PTPRR: variants seen among roughly 807,000 people sequenced by gnomAD.
PTPRR encodes the protein protein tyrosine phosphatase receptor type R.
Under a neutral mutation model 77.2 loss-of-function variants are expected in PTPRR, and 38 were observed. The observed-to-expected ratio is 0.49, with a 90% confidence interval of 0.38 to 0.65. PTPRR has a LOEUF of 0.65. Among genes scored for constraint, PTPRR ranks in the 30% least tolerant of loss-of-function variants. The pLI is 0.00. For missense variants in PTPRR, 744 were observed against 799.2 expected (o/e 0.93, Z 0.83); for synonymous variants, 299 against 283.1 (o/e 1.06, Z -0.57).
chr12:70,703,505 C>G (rs1888507171), intron 6 of PTPRR, among the ~76,000 whole-genome samples: 1 of 152,098 alleles, frequency 6.6e-6, no homozygotes, highest in African/African-American at 2.4e-5. Flanking sequence ...TGAAGAAGAG[C>G]AAAGAATGGT....
chr12:70,888,152 G>T (rs936203177), intron 2 of PTPRR, among the ~76,000 whole-genome samples: 3 of 151,938 alleles, frequency 2.0e-5, no homozygotes, highest in African/African-American at 7.2e-5. Flanking sequence ...ATTAGAGAAA[G>T]AAAAGCAAAA....
intron 2 of PTPRR, among the ~76,000 whole-genome samples, chr12:70,809,528 T>G (rs1399123187): frequency 6.6e-6 from 1 of 152,200 alleles, no homozygotes; most frequent in Non-Finnish European, 1.5e-5. Flanking sequence ...GTACAGTAGA[T>G]AGCTTGAACT....
At chr12:70,785,628 T>C (rs1891304784) in intron 2 of PTPRR, among the ~76,000 whole-genome samples, 1 of 152,200 alleles carries the variant, frequency 6.6e-6, no homozygotes, top group Non-Finnish European at 1.5e-5. Flanking sequence ...TAATACTCTA[T>C]ATACTTTTTA....
chr12:70,858,941 C>G (rs546453498), intron 2 of PTPRR, among the ~76,000 whole-genome samples: 1 of 140,804 alleles, frequency 7.1e-6, no homozygotes, highest in East Asian at 2.2e-4. Context: ...TGATTTTCTT[C>G]TAGCATTTCG....
At chr12:70,823,542 T>TTG (rs1892058851) in intron 2 of PTPRR, among the ~76,000 whole-genome samples, 1 of 152,224 alleles carries the variant, frequency 6.6e-6, no homozygotes, top group Non-Finnish European at 1.5e-5. Flanking sequence ...TTTTTTTGTT[T>TTG]TGTTTTGTTT....
chr12:70,866,059 C>T (rs1892839578), intron 2 of PTPRR, among the ~76,000 whole-genome samples: 1 of 152,008 alleles, frequency 6.6e-6, no homozygotes, highest in Admixed American at 6.6e-5. Flanking sequence ...ATTTATAGCA[C>T]TAAATGCCCA....
intron 12 of PTPRR, among the ~76,000 whole-genome samples, chr12:70,658,624 T>C (rs1592642570): frequency 6.6e-6 from 1 of 152,162 alleles, no homozygotes; most frequent in East Asian, 1.9e-4. Context: ...GAACAGCTTG[T>C]CTTGAAGAGA....
intron 10 of PTPRR, among the ~76,000 whole-genome samples, chr12:70,670,551 G>A (rs993994500): frequency 6.6e-6 from 1 of 152,166 alleles, no homozygotes; most frequent in Admixed American, 6.5e-5. Flanking sequence ...ATCAATAAAT[G>A]GTAGTGGCTA....
At chr12:70,702,165 C>A (rs868414027) in intron 6 of PTPRR, among the ~76,000 whole-genome samples, 4 of 152,166 alleles carry the variant, frequency 2.6e-5, no homozygotes, top group African/African-American at 9.6e-5. Flanking sequence ...TCATAATTCC[C>A]CTTTTCCCGC....
chr12:70,710,251 G>A (rs115752316), intron 6 of PTPRR, among the ~76,000 whole-genome samples: 47 of 151,952 alleles, frequency 3.1e-4, no homozygotes, highest in Admixed American at 1.6e-3. Flanking sequence ...AAGGCTGCAC[G>A]TCTACAACTA....
At position 70,812,218 on chromosome 12, in the gene PTPRR, C is replaced by T. The variant is rs569257453; in HGVS notation, c.358-47440G>A. ...AGTGAGTCCTCGGTTCTATAAGATG[C>T]TGTTGTAAATGGCAATATAATTGCA... On this transcript the variant is annotated intron_variant, in intron 2 of 13. Coordinates refer to ENST00000283228, the MANE Select transcript of PTPRR (RefSeq NM_002849.4). Among the ~76,000 whole-genome samples, 15 of 152,238 alleles carry T rather than the reference C, an allele frequency of 9.9e-5. 1 individual carries two copies. Among genetic ancestry groups the T allele is most frequent in the South Asian group, 8.3e-4 (4 of 4,814 alleles).
In PTPRR at chr12:70,638,758, G is replaced by C. The variant is rs1179741295; in HGVS notation, c.*426C>G. On this transcript the variant is annotated 3_prime_UTR_variant, in exon 14 of 14. Coordinates refer to ENST00000283228, the MANE Select transcript of PTPRR (RefSeq NM_002849.4). ...TCAAAACAGGAACAGTTTAACAGCTGACAGTCCATTCACAAGACAGATTTT... is the reference window on the plus strand; with the variant it reads ...TCAAAACAGGAACAGTTTAACAGCTCACAGTCCATTCACAAGACAGATTTT... 2 of 153,850 alleles carry C rather than the reference G, an allele frequency of 1.3e-5. No individual in the cohort carries two copies. The highest frequency in any genetic ancestry group is 4.8e-5 in the African/African-American group (2 of 41,500). 9.5% of individuals were successfully genotyped at this position (153,850 alleles called of 1,614,324 possible).
At chr12:70,836,958 C>A (rs921496514) in intron 2 of PTPRR, among the ~76,000 whole-genome samples, 1 of 151,924 alleles carries the variant, frequency 6.6e-6, no homozygotes, top group Non-Finnish European at 1.5e-5. Flanking sequence ...TATATTTTAT[C>A]ACTAAACTAT....
intron 13 of PTPRR, among the ~76,000 whole-genome samples, chr12:70,652,385 G>A (rs886662190): frequency 4.6e-5 from 7 of 152,172 alleles, no homozygotes; most frequent in African/African-American, 1.7e-4. Context: ...CTAGAAGAGT[G>A]TACAACAGAA....
intron 4 of PTPRR, among the ~76,000 whole-genome samples, chr12:70,755,540 G>T (rs4760937): frequency 0.93 from 141,206 of 152,186 alleles, 66,396 homozygotes; most frequent in East Asian, 1. Context: ...GAGTTCAATT[G>T]TGATTACAAA....
At chr12:70,834,786 C>T (rs1892272887) in intron 2 of PTPRR, among the ~76,000 whole-genome samples, 1 of 151,990 alleles carries the variant, frequency 6.6e-6, no homozygotes, top group African/African-American at 2.4e-5. Flanking sequence ...TTCTAGGAGG[C>T]AGTATTTATC....
At chr12:70,736,251 C>G (rs982585654) in intron 6 of PTPRR, among the ~76,000 whole-genome samples, 1 of 152,078 alleles carries the variant, frequency 6.6e-6, no homozygotes. Flanking sequence ...TGTTTTGAGT[C>G]CACCTCATGA....
intron 2 of PTPRR, among the ~76,000 whole-genome samples, chr12:70,770,718 C>T (rs907567794): frequency 5.3e-5 from 8 of 152,158 alleles, no homozygotes; most frequent in South Asian, 2.1e-4. Context: ...AGGTTTATTG[C>T]GGCACAATTC....
In PTPRR at chr12:70,785,378, C is replaced by T. The variant is rs558434193; in HGVS notation, c.358-20600G>A. 3.3e-5 allele frequency among the ~76,000 whole-genome samples: 5 copies of T among 152,210 alleles called. No homozygotes were observed. The South Asian group carries it at 8.3e-4, about 25-fold the overall frequency. On this transcript the variant is annotated intron_variant, in intron 2 of 13. Transcript: ENST00000283228. ...TAATATTACCTCTTAATTAGTGTCC[C>T]CTTTCACATCCCCTAATAACATTCT...
Sources: gnomAD v4.1 joint callset for allele counts (sites outside exome capture counted in the v4.1 genomes callset) on GRCh38, gnomAD v4.1.1 for gene constraint, MANE v1.5 for transcripts, NCBI Gene and HGNC (gene_info 2026-07-23, HGNC 2026-07-21) for gene names.